The following NRG3 variants were observed in gnomAD, a reference collection of about 807,000 sequenced individuals.
NRG3 encodes the protein pro-neuregulin-3, membrane-bound isoform.
Under a neutral mutation model 66.9 loss-of-function variants are expected in NRG3, and 31 were observed. That is an observed-to-expected ratio of 0.46 (90% CI 0.35 to 0.63). The LOEUF is 0.63. Among genes scored for constraint, NRG3 ranks in the 20% least tolerant of loss-of-function variants. The pLI is 0.00. For missense variants in NRG3, 910 were observed against 878.9 expected, an observed-to-expected ratio of 1.04 and a Z score of -0.45; for synonymous variants, 393 against 359.4, an observed-to-expected ratio of 1.09 and a Z score of -1.06.
chr10:82,008,850 T>G (rs1294529949), intron 1 of NRG3, among the ~76,000 whole-genome samples: 5 of 152,202 alleles, frequency 3.3e-5, no homozygotes, highest in Non-Finnish European at 7.3e-5. Flanking sequence ...AAGACTGGGT[T>G]GGTCATTTTA....
chr10:82,252,240 A>G (rs1359984825), intron 1 of NRG3, among the ~76,000 whole-genome samples: 3 of 152,230 alleles, frequency 2.0e-5, no homozygotes, highest in Admixed American at 6.5e-5. Context: ...ACATTGCTCA[A>G]TTGGGTACAA....
In NRG3 at chr10:82,084,519, C is replaced by T. The variant is rs1170855438; in HGVS notation, c.823+208356C>T. On this transcript the variant is annotated intron_variant, in intron 1 of 8. Transcript: ENST00000372141. ...TATATGAGATTTTTTTTTTTTTTTG[C>T]CATCATAGAGAACTCTACATGAATC... Among the ~76,000 whole-genome samples, 5 of 114,650 alleles carry T rather than the reference C, an allele frequency of 4.4e-5. No homozygotes were observed. The South Asian group carries it at 8.1e-4, about 19-fold the overall frequency. The allele number at this position is 114,650 out of a possible 152,430, so 75.2% of individuals were successfully genotyped here.
chr10:82,150,530 C>CAAAAAAAAAAAAAAAAAAAAAAA (rs1188955647), intron 1 of NRG3, among the ~76,000 whole-genome samples: 1 of 26,680 alleles, frequency 3.7e-5, no homozygotes, highest in Non-Finnish European at 7.4e-5. Context: ...AGAGCACACA[C>CAAAAAAAAAAAAAAAAAAAAAAA]AAAAAAAAAA....
chr10:82,629,886 C>T (rs374237515), intron 2 of NRG3, among the ~76,000 whole-genome samples: 2 of 152,138 alleles, frequency 1.3e-5, no homozygotes, highest in East Asian at 3.8e-4. Context: ...ATACCTTTGC[C>T]TCCTAAAGTC....
chr10:82,313,775 C>G (rs976827109), intron 1 of NRG3, among the ~76,000 whole-genome samples: 1 of 152,170 alleles, frequency 6.6e-6, no homozygotes, highest in Non-Finnish European at 1.5e-5. Flanking sequence ...GACTCCACAT[C>G]CATTTTATCC....
chr10:82,079,719 G>A (rs905236799), intron 1 of NRG3, among the ~76,000 whole-genome samples: 1 of 152,100 alleles, frequency 6.6e-6, no homozygotes, highest in Admixed American at 6.5e-5. Flanking sequence ...GATTTCTACA[G>A]TACCTAGAGT....
chr10:82,876,273 T>A (rs933352427), intron 4 of NRG3, among the ~76,000 whole-genome samples: 1 of 152,210 alleles, frequency 6.6e-6, no homozygotes, highest in Non-Finnish European at 1.5e-5. Flanking sequence ...ATATATGGAC[T>A]TTAGCAAAAT....
intron 1 of NRG3, among the ~76,000 whole-genome samples, chr10:82,206,654 C>T (rs2075133115): frequency 6.6e-6 from 1 of 152,172 alleles, no homozygotes; most frequent in African/African-American, 2.4e-5. Context: ...TATTTGCTTG[C>T]TTTCCTATGT....
chr10:81,915,816 C>T (rs984152106), intron 1 of NRG3, among the ~76,000 whole-genome samples: 2 of 152,080 alleles, frequency 1.3e-5, no homozygotes, highest in Non-Finnish European at 2.9e-5. Context: ...GATAATTGTT[C>T]TGTCCTCTGG....
At chr10:82,169,933 T>C (rs1467377136) in intron 1 of NRG3, among the ~76,000 whole-genome samples, 1 of 151,852 alleles carries the variant, frequency 6.6e-6, no homozygotes, top group Non-Finnish European at 1.5e-5. Flanking sequence ...ACTGTTAGCC[T>C]ACTTGTGTGT....
At chr10:81,977,083 T>A (rs752593507) in intron 1 of NRG3, among the ~76,000 whole-genome samples, 4 of 152,226 alleles carry the variant, frequency 2.6e-5, no homozygotes, top group Non-Finnish European at 5.9e-5. Flanking sequence ...GCTACTGCAG[T>A]AATTTTTGAA....
intron 3 of NRG3, among the ~76,000 whole-genome samples, chr10:82,805,903 T>G (rs1477404140): frequency 2.6e-5 from 4 of 152,216 alleles, no homozygotes; most frequent in Non-Finnish European, 1.5e-5. Context: ...TTTGGATCAG[T>G]ACATTTTAGT....
chr10:82,171,318 G>A (rs2072588750), intron 1 of NRG3, among the ~76,000 whole-genome samples: 1 of 151,932 alleles, frequency 6.6e-6, no homozygotes, highest in Admixed American at 6.6e-5. Flanking sequence ...TCTTTGCCCA[G>A]CAGCCCTACC....
chr10:82,743,215 C>T (rs1565266794), intron 3 of NRG3, among the ~76,000 whole-genome samples: 1 of 152,076 alleles, frequency 6.6e-6, no homozygotes, highest in Non-Finnish European at 1.5e-5. Context: ...ACAGCTTAAA[C>T]ACTTGGAGTC....
At chr10:82,236,801 C>T (rs377547930) in intron 1 of NRG3, among the ~76,000 whole-genome samples, 11 of 150,530 alleles carry the variant, frequency 7.3e-5, no homozygotes, top group African/African-American at 1.5e-4. Context: ...CTGCAAGCTC[C>T]GCCTCCCGGG....
At chr10:82,479,363 G>A (rs188139504) in intron 2 of NRG3, among the ~76,000 whole-genome samples, 16 of 152,128 alleles carry the variant, frequency 1.1e-4, no homozygotes, top group African/African-American at 3.6e-4. Context: ...AGAGAGGAAG[G>A]GGGGAAGAGA....
At chr10:82,090,626 G>A (rs907712941) in intron 1 of NRG3, among the ~76,000 whole-genome samples, 2 of 152,162 alleles carry the variant, frequency 1.3e-5, no homozygotes, top group African/African-American at 4.8e-5. Context: ...TTTGAATAAA[G>A]AAGGGACGAG....
At chr10:82,664,033 T>C (rs1281539694) in intron 2 of NRG3, among the ~76,000 whole-genome samples, 2 of 152,180 alleles carry the variant, frequency 1.3e-5, no homozygotes, top group African/African-American at 4.8e-5. Flanking sequence ...GGGAGGCTTT[T>C]CATGTGGTGG....
chr10:82,101,394 C>T (rs969200602), intron 1 of NRG3, among the ~76,000 whole-genome samples: 1 of 151,704 alleles, frequency 6.6e-6, no homozygotes, highest in Admixed American at 6.6e-5. Flanking sequence ...GCCTAAATTG[C>T]TCCTCATTTT....
Sources: allele counts gnomAD v4.1 joint callset (sites outside exome capture counted in the v4.1 genomes callset), GRCh38; gene constraint gnomAD v4.1.1; transcripts MANE v1.5; gene names NCBI Gene and HGNC (gene_info 2026-07-23, HGNC 2026-07-21).